The following TGM2 variants were observed in gnomAD, a reference collection of about 807,000 sequenced individuals.
TGM2 encodes the protein transglutaminase 2, also known as protein-glutamine gamma-glutamyltransferase 2.
TGM2 carries 53 observed loss-of-function variants against 75.6 expected under a neutral mutation model. The ratio of observed to expected loss-of-function variants is 0.70; its 90% CI spans 0.56 to 0.88. The LOEUF (loss-of-function observed/expected upper bound fraction) is 0.88. Ranked by LOEUF, TGM2 falls within the 40% of genes least tolerant of loss-of-function variation. The probability of loss-of-function intolerance (pLI) is 0.00; values close to 1 mark genes in which losing one functional copy is unlikely to be tolerated. For missense variants in TGM2, 842 were observed against 928.5 expected, an observed-to-expected ratio of 0.91 and a Z score of 1.21; for synonymous variants, 374 against 381.1, an observed-to-expected ratio of 0.98 and a Z score of 0.22.
intron 9 of TGM2, 61 bp from the exon 10 acceptor site, chr20:38,138,446 C>A: frequency 6.2e-7 from 1 of 1,610,276 alleles, no homozygotes; most frequent in Non-Finnish European, 8.5e-7. Context: ...AAGGGGGCTG[C>A]AACAGGGCGA....
chr20:38,141,485 C>T (rs1234334811), intron 7 of TGM2, 100 bp from the exon 8 acceptor site: 5 of 921,388 alleles, frequency 5.4e-6, no homozygotes, highest in African/African-American at 1.6e-5. Flanking sequence ...GATGCAAGCT[C>T]GCCTCGTCCC....
At chr20:38,156,115 G>A (rs1265501563) in intron 2 of TGM2, 26 bp from the exon 3 acceptor site, 7 of 1,607,480 alleles carry the variant, frequency 4.4e-6, no homozygotes, top group Admixed American at 3.3e-5. Flanking sequence ...CAGTAGCCGT[G>A]AGCTAGGGGT....
intron 1 of TGM2, among the ~76,000 whole-genome samples, chr20:38,164,966 C>G (rs902395685): frequency 1.8e-4 from 27 of 152,354 alleles, no homozygotes; most frequent in African/African-American, 5.5e-4. Flanking sequence ...TACAACACCC[C>G]GTCGCGTTCC....
chr20:38,146,086 C>T (rs1378402561), intron 6 of TGM2: 2 of 157,242 alleles, frequency 1.3e-5, no homozygotes, highest in African/African-American at 2.4e-5. Flanking sequence ...CATCATCAGC[C>T]TGGCAACAAT....
chr20:38,138,075 T>G (rs368364032), intron 10 of TGM2, 38 bp downstream of exon 10: 309 of 1,551,354 alleles, frequency 2.0e-4, no homozygotes, highest in Non-Finnish European at 2.6e-4. Context: ...TGTTGTCAGT[T>G]GGCGGTCAAC....
chr20:38,138,537 C>T (rs1412035023), intron 9 of TGM2, 152 bp from the exon 10 acceptor site: 5 of 1,442,760 alleles, frequency 3.5e-6, no homozygotes, highest in Non-Finnish European at 4.7e-6. Flanking sequence ...AAGGACACAG[C>T]ATTTCATTAA....
chr20:38,147,490 G>A (rs1177837755), intron 5 of TGM2, among the ~76,000 whole-genome samples: 1 of 152,144 alleles, frequency 6.6e-6, no homozygotes, highest in Admixed American at 6.5e-5. Flanking sequence ...TACCACCTTA[G>A]GGAGCCCCTC....
chr20:38,163,817 C>A (rs1310839692), intron 1 of TGM2, among the ~76,000 whole-genome samples: 1 of 152,200 alleles, frequency 6.6e-6, no homozygotes, highest in Non-Finnish European at 1.5e-5. Flanking sequence ...GGAGCTTGAG[C>A]AGGAAAGAGG....
At chr20:38,159,734 G>T (rs535963017) in intron 2 of TGM2, among the ~76,000 whole-genome samples, 1 of 152,302 alleles carries the variant, frequency 6.6e-6, no homozygotes, top group East Asian at 1.9e-4. Flanking sequence ...CTGACTCACT[G>T]TGTGACTGAC....
chr20:38,165,068 C>G, intron 1 of TGM2, 121 bp downstream of exon 1: 1 of 1,467,152 alleles, frequency 6.8e-7, no homozygotes, highest in South Asian at 1.2e-5. Context: ...GACGCCTCCT[C>G]ACCCAGCCCG....
At chr20:38,140,293 T>C (rs1230299435) in intron 8 of TGM2, among the ~76,000 whole-genome samples, 1 of 152,272 alleles carries the variant, frequency 6.6e-6, no homozygotes, top group Non-Finnish European at 1.5e-5. Context: ...ATCCATGTGA[T>C]GGACCACGGT....
Position 38,142,512 on chromosome 20 carries a change from C to G in TGM2, c.860-313G>C, listed in dbSNP as rs1238975457. Among the ~76,000 whole-genome samples, 4 of 152,324 alleles carry G rather than the reference C, an allele frequency of 2.6e-5. No homozygotes were observed. In the South Asian group the frequency reaches 6.2e-4, roughly 24 times the overall value. On this transcript the variant is annotated intron_variant, in intron 6 of 12. Transcript: ENST00000361475. ...CCTGAGGTCAAGAGTTTGAGACCAG[C>G]CTGGCCAATATGGTGAAACCCCGTC...
In TGM2 at chr20:38,148,108, G is replaced by C. The variant is rs187948696; in HGVS notation, c.553-19C>G. ...CTTCAAACTGTGTCAGAGGAAACAA[G>C]AGGAGAAAGAGGGAGCTGGGAAGGC... On this transcript the variant is annotated intron_variant, in intron 4 of 12. Coordinates refer to ENST00000361475, the MANE Select transcript of TGM2 (RefSeq NM_004613.4). The C allele has an allele frequency of 6.2e-7, 1 of 1,613,906 alleles. No individual in the cohort carries two copies.
chr20:38,129,890 T>C lies in TGM2; in HGVS notation c.*329A>G, dbSNP rs1008693940. On this transcript the variant is annotated 3_prime_UTR_variant, in exon 13 of 13. Transcript: ENST00000361475. ...GAGCTATGAAGTAGATCAAACAATA[T>C]GGTGGGTGGTCAATGGCTTTCCAAA... The C allele has an allele frequency of 1.1e-5, 4 of 371,238 alleles. No homozygotes were observed. The highest frequency in any genetic ancestry group is 8.2e-5 in the African/African-American group (4 of 48,748). 23.0% of individuals were successfully genotyped at this position (371,238 alleles called of 1,614,324 possible).
In TGM2 at chr20:38,132,399, T is replaced by G; in HGVS notation, c.1717A>C (p.Asn573His). 6.2e-7 allele frequency: 1 copy of G among 1,614,168 alleles called. No homozygotes were observed. The highest frequency in any genetic ancestry group is 8.5e-7 in the Non-Finnish European group (1 of 1,180,030). ...TCCCTCTCAGCCAGCAGGTAGCTGT[T>G]GATAACTGGCTCCACGAGGAGGGCC... The part of the protein sequence containing the change: ...VRALLVEPVI[N>H]SYLLAERDLY... The change falls in exon 11 of 13, where the codon AAC becomes CAC. Residue 573 changes from asparagine to histidine, a missense_variant. Transcript: ENST00000361475.
In TGM2 at chr20:38,157,815, A is replaced by G. The variant is rs151312885; in HGVS notation, c.191-1726T>C. Among the ~76,000 whole-genome samples, 264 of 152,350 alleles carry G rather than the reference A, an allele frequency of 1.7e-3. 4 individuals carry two copies. Among genetic ancestry groups the G allele is most frequent in the Non-Finnish European group, 2.9e-3 (198 of 68,032 alleles). On this transcript the variant is annotated intron_variant, in intron 2 of 12. Transcript: ENST00000361475. ...TTCATAGAAAGCATTTTGAACAGTG[A>G]CCAGCTCACAGTAATCATGCAGGAA...
intron 6 of TGM2, among the ~76,000 whole-genome samples, chr20:38,143,830 A>T (rs1216449374): frequency 1.3e-5 from 2 of 152,070 alleles, no homozygotes; most frequent in African/African-American, 4.8e-5. Flanking sequence ...AGTGGGGGAG[A>T]AGGGATGCGA....
intron 10 of TGM2, 41 bp downstream of exon 10, chr20:38,138,072 A>G: frequency 6.5e-7 from 1 of 1,548,604 alleles, no homozygotes; most frequent in Middle Eastern, 1.7e-4. Context: ...GCATGTTGTC[A>G]GTTGGCGGTC....
At chr20:38,157,205 G>A (rs1004915186) in intron 2 of TGM2, among the ~76,000 whole-genome samples, 11 of 152,170 alleles carry the variant, frequency 7.2e-5, no homozygotes, top group African/African-American at 2.6e-4. Flanking sequence ...TCACCCAGGG[G>A]CTCCCTCCCA....
Sources: gnomAD v4.1 joint callset for allele counts (sites outside exome capture counted in the v4.1 genomes callset) on GRCh38, gnomAD v4.1.1 for gene constraint, MANE v1.5 for transcripts, NCBI Gene and HGNC (gene_info 2026-07-23, HGNC 2026-07-21) for gene names.